The following DLG2 variants were observed in gnomAD, a reference collection of about 807,000 sequenced individuals.
The protein encoded by DLG2 is discs large MAGUK scaffold protein 2.
Under a neutral mutation model 132.5 loss-of-function variants are expected in DLG2, and 45 were observed. That is an observed-to-expected ratio of 0.34 (90% CI 0.27 to 0.44). DLG2 has a LOEUF of 0.44. Ranked by LOEUF, DLG2 falls within the 20% of genes least tolerant of loss-of-function variation. The pLI is 1.00. For synonymous variants in DLG2, 424 were observed against 419.6 expected, an observed-to-expected ratio of 1.01 and a Z score of -0.13; for missense variants, 1,045 against 1,196.9, an observed-to-expected ratio of 0.87 and a Z score of 1.87.
At chr11:83,480,356 C>A (rs531178590) in intron 22 of DLG2, 23 of 1,534,034 alleles carry the variant, frequency 1.5e-5, no homozygotes, top group Admixed American at 2.0e-5. Context: ...AACCGCAAAC[C>A]AAAGCAGTAA....
chr11:83,536,358 A>G (rs2141243931), intron 20 of DLG2, among the ~76,000 whole-genome samples: 1 of 152,286 alleles, frequency 6.6e-6, no homozygotes, highest in African/African-American at 2.4e-5. Flanking sequence ...CAACCCTAAT[A>G]GTGCATTCCC....
At chr11:85,166,334 G>T (rs565361048) in intron 4 of DLG2, among the ~76,000 whole-genome samples, 1 of 151,834 alleles carries the variant, frequency 6.6e-6, no homozygotes, top group Admixed American at 6.6e-5. Context: ...CCAATTTCTG[G>T]TCCTACATTT....
At chr11:85,466,657 C>T (rs1269049422) in intron 3 of DLG2, among the ~76,000 whole-genome samples, 1 of 151,948 alleles carries the variant, frequency 6.6e-6, no homozygotes, top group Non-Finnish European at 1.5e-5. Flanking sequence ...CTGTCCTGTT[C>T]CATTGGTCTA....
intron 6 of DLG2, among the ~76,000 whole-genome samples, chr11:84,821,651 C>A (rs71468374): frequency 0.65 from 78,146 of 120,584 alleles, 21,885 homozygotes; most frequent in Non-Finnish European, 0.71. Flanking sequence ...ACAACAACAA[C>A]AAAAAAAACA....
intron 3 of DLG2, among the ~76,000 whole-genome samples, chr11:85,597,200 T>C (rs1350143658): frequency 6.6e-6 from 1 of 152,170 alleles, no homozygotes; most frequent in Non-Finnish European, 1.5e-5. Flanking sequence ...TTATTAAAAA[T>C]ATAGTAGAGT....
chr11:85,248,149 C>T (rs192312863), intron 4 of DLG2, among the ~76,000 whole-genome samples: 77 of 152,184 alleles, frequency 5.1e-4, no homozygotes, highest in Non-Finnish European at 9.4e-4. Flanking sequence ...CACTGAACCA[C>T]GTGAGATAGC....
At chr11:83,671,920 C>G (rs1031777986) in intron 18 of DLG2, among the ~76,000 whole-genome samples, 2 of 152,196 alleles carry the variant, frequency 1.3e-5, no homozygotes, top group Non-Finnish European at 2.9e-5. Flanking sequence ...TTGAAATACA[C>G]AAATGTTCAT....
chr11:84,475,346 T>C (rs1314724492), intron 7 of DLG2, among the ~76,000 whole-genome samples: 1 of 152,150 alleles, frequency 6.6e-6, no homozygotes. Flanking sequence ...TAACATTTTT[T>C]GCGGTCAAAT....
At chr11:84,903,566 G>T (rs1408756897) in intron 6 of DLG2, among the ~76,000 whole-genome samples, 1 of 152,094 alleles carries the variant, frequency 6.6e-6, no homozygotes, top group Non-Finnish European at 1.5e-5. Flanking sequence ...CACAAACTTA[G>T]TTGAATCAAG....
chr11:84,852,873 A>C (rs1391318632), intron 6 of DLG2, among the ~76,000 whole-genome samples: 1 of 152,008 alleles, frequency 6.6e-6, no homozygotes, highest in Non-Finnish European at 1.5e-5. Flanking sequence ...AGAAAAAAAT[A>C]AAATAAAAAA....
rs186557230 is a variant in DLG2 at position 83,497,867 on chromosome 11, T to C, written c.2194-13639A>G. ...TTTAATTTTTCTTTTCTAACTTTTT[T>C]CCCAATTAACCTTTACTCCCTTTCC... On this transcript the variant is annotated intron_variant, in intron 21 of 27. Transcript: ENST00000376104. 6.9e-3 allele frequency among the ~76,000 whole-genome samples: 1,054 copies of C among 151,994 alleles called. 19 individuals carry two copies. Among genetic ancestry groups the C allele is most frequent in the African/African-American group, 0.025 (1,021 of 41,488 alleles).
rs1289988309 is a variant in DLG2 at position 85,056,055 on chromosome 11, A to G, written c.357+55606T>C. Among the ~76,000 whole-genome samples, 7 of 152,114 alleles carry G rather than the reference A, an allele frequency of 4.6e-5. No homozygotes were observed. The South Asian group carries it at 8.3e-4, about 18-fold the overall frequency. On this transcript the variant is annotated intron_variant, in intron 6 of 27. Transcript: ENST00000376104. ...AGAGATAACATTCAGATTATCTACA[A>G]TTTTTCATATATAATAACTGTCATT...
intron 6 of DLG2, among the ~76,000 whole-genome samples, chr11:84,862,111 C>T (rs1382543144): frequency 6.6e-6 from 1 of 151,836 alleles, no homozygotes; most frequent in Non-Finnish European, 1.5e-5. Flanking sequence ...GCGTGCAGCG[C>T]ACCAGCATGG....
intron 9 of DLG2, among the ~76,000 whole-genome samples, chr11:84,112,799 C>G (rs2093433317): frequency 6.6e-6 from 1 of 152,116 alleles, no homozygotes; most frequent in Non-Finnish European, 1.5e-5. Flanking sequence ...GTGCTACTCC[C>G]TTGGAACGGA....
rs185206226 is a variant in DLG2 at position 85,421,497 on chromosome 11, T to A, written c.41-136132A>T. On this transcript the variant is annotated intron_variant, in intron 3 of 27. Coordinates refer to ENST00000376104, the MANE Select transcript of DLG2 (RefSeq NM_001142699.3). ...AATAGCTACTTCTGCTTGCTTTTTG[T>A]GTCCATTTGCCTGAAATGTCTTTTT... is the stretch of plus-strand genomic sequence containing the variant. Among the ~76,000 whole-genome samples the A allele has an allele frequency of 2.9e-3, 444 of 151,952 alleles. 17 individuals carry two copies. The highest frequency in any genetic ancestry group is 0.026 in the Admixed American group (393 of 15,250).
chr11:84,308,111 C>T (rs1416043774), intron 7 of DLG2, among the ~76,000 whole-genome samples: 1 of 152,144 alleles, frequency 6.6e-6, no homozygotes, highest in East Asian at 1.9e-4. Context: ...TGGGAGCAGC[C>T]TGCTTTTATT....
At chr11:85,049,444 G>GCT (rs754325717) in intron 6 of DLG2, among the ~76,000 whole-genome samples, 8,503 of 152,034 alleles carry the variant, frequency 0.056, 329 homozygotes, top group Non-Finnish European at 0.08. Flanking sequence ...TATATCATTA[G>GCT]ATAAAAATTC....
intron 6 of DLG2, among the ~76,000 whole-genome samples, chr11:84,775,234 C>T (rs1469518773): frequency 6.6e-6 from 1 of 152,128 alleles, no homozygotes; most frequent in Admixed American, 6.6e-5. Context: ...GATACCATCT[C>T]ATACCCATCA....
At chr11:85,468,957 C>A (rs767604764) in intron 3 of DLG2, among the ~76,000 whole-genome samples, 1 of 152,138 alleles carries the variant, frequency 6.6e-6, no homozygotes, top group Admixed American at 6.5e-5. Context: ...TGTTCCCTGC[C>A]TGTCAGATTT....
Sources: gnomAD v4.1 joint callset for allele counts (sites outside exome capture counted in the v4.1 genomes callset) on GRCh38, gnomAD v4.1.1 for gene constraint, MANE v1.5 for transcripts, NCBI Gene and HGNC (gene_info 2026-07-23, HGNC 2026-07-21) for gene names.